MALT1: variants seen among roughly 807,000 people sequenced by gnomAD.
The protein encoded by MALT1 is mucosa-associated lymphoid tissue lymphoma translocation protein 1.
Under a neutral mutation model 85.5 loss-of-function variants are expected in MALT1, and 36 were observed. That is an observed-to-expected ratio of 0.42 (90% CI 0.32 to 0.56). The LOEUF is 0.56. Ranked by LOEUF, MALT1 falls within the 20% of genes least tolerant of loss-of-function variation. The pLI, the probability that MALT1 is intolerant of heterozygous loss-of-function variation, is 0.10. For synonymous variants in MALT1, 359 were observed against 361.3 expected (o/e 0.99, Z 0.07); for missense variants, 716 against 981.6 (o/e 0.73, Z 3.62).
chr18:58,747,914 C>T lies in MALT1; in HGVS notation c.*72C>T. The T allele has an allele frequency of 5.3e-6, 7 of 1,328,292 alleles. No individual in the cohort carries two copies. Among genetic ancestry groups the T allele is most frequent in the Non-Finnish European group, 7.3e-6 (7 of 956,080 alleles). 82.3% of individuals were successfully genotyped at this position (1,328,292 alleles called of 1,614,324 possible). ...AGTACTGCACTTACATAAAGTGAGA[C>T]ATTGTGAAAAGGCAAATTTGTATAT... On this transcript the variant is annotated 3_prime_UTR_variant, in exon 17 of 17. Transcript: ENST00000649217.
Position 58,671,589 on chromosome 18 carries a change from G to C in MALT1, c.-55G>C. On this transcript the variant is annotated 5_prime_UTR_variant, in exon 1 of 17. Transcript: ENST00000649217. ...CGAGCGGAAGGTGCCCCGGGGCCGAGGCCCGTGACGGGGCGGGCGGGAGCC... is the reference window on the plus strand; with the variant it reads ...CGAGCGGAAGGTGCCCCGGGGCCGACGCCCGTGACGGGGCGGGCGGGAGCC... 1 of 1,140,674 alleles carries C rather than the reference G, an allele frequency of 8.8e-7. No individual in the cohort carries two copies. Among genetic ancestry groups the C allele is most frequent in the African/African-American group, 1.6e-5 (1 of 62,124 alleles). 70.7% of individuals were successfully genotyped at this position (1,140,674 alleles called of 1,614,324 possible).
intron 2 of MALT1, among the ~76,000 whole-genome samples, chr18:58,687,198 T>A (rs577526576): frequency 6.6e-6 from 1 of 152,064 alleles, no homozygotes; most frequent in Non-Finnish European, 1.5e-5. Context: ...AAGAAAAATA[T>A]CAAGAAGTGA....
intron 2 of MALT1, chr18:58,691,447 G>A (rs1041322213): frequency 2.5e-5 from 8 of 315,550 alleles, no homozygotes; most frequent in South Asian, 6.3e-5. Flanking sequence ...ACAGACGGAC[G>A]TGCATTCCAT....
chr18:58,733,289 C>A, intron 10 of MALT1, 108 bp from the exon 11 acceptor site: 1 of 691,116 alleles, frequency 1.4e-6, no homozygotes, highest in Non-Finnish European at 2.5e-6. Flanking sequence ...TCACATCAAC[C>A]TGAAGAAAAT....
chr18:58,671,598 C>T lies in MALT1; in HGVS notation c.-46C>T. On this transcript the variant is annotated 5_prime_UTR_variant, in exon 1 of 17. In the 5' UTR this introduces an upstream ATG that the reference lacks. Transcript: ENST00000649217. ...GGTGCCCCGGGGCCGAGGCCCGTGA[C>T]GGGGCGGGCGGGAGCCCCGGCAGTC... The T allele has an allele frequency of 1.7e-6, 2 of 1,176,748 alleles. No individual in the cohort carries two copies. The highest frequency in any genetic ancestry group is 2.1e-6 in the Non-Finnish European group (2 of 943,986). 72.9% of individuals were successfully genotyped at this position (1,176,748 alleles called of 1,614,324 possible).
intron 4 of MALT1, among the ~76,000 whole-genome samples, chr18:58,708,783 G>A (rs1369286750): frequency 9.9e-5 from 15 of 152,210 alleles, no homozygotes; most frequent in Admixed American, 9.8e-4. Flanking sequence ...TAATGTGTTA[G>A]ACACTGAGTT....
At chr18:58,726,475 T>G (rs2055056211) in intron 10 of MALT1, among the ~76,000 whole-genome samples, 1 of 151,880 alleles carries the variant, frequency 6.6e-6, no homozygotes, top group African/African-American at 2.4e-5. Flanking sequence ...GAAGGCAGAG[T>G]CACAGGAATT....
intron 1 of MALT1, among the ~76,000 whole-genome samples, chr18:58,680,593 A>C (rs1211764906): frequency 6.6e-6 from 1 of 152,152 alleles, no homozygotes; most frequent in African/African-American, 2.4e-5. Flanking sequence ...TAAAGGCAAA[A>C]AAACCTTTGT....
intron 3 of MALT1, among the ~76,000 whole-genome samples, chr18:58,700,142 T>C (rs1003351028): frequency 2.0e-5 from 3 of 152,240 alleles, no homozygotes; most frequent in African/African-American, 7.2e-5. Flanking sequence ...ATTCTTTCAA[T>C]ACTCAGTGAT....
intron 3 of MALT1, 42 bp downstream of exon 3, chr18:58,696,529 G>A: frequency 7.1e-7 from 1 of 1,412,642 alleles, no homozygotes; most frequent in Non-Finnish European, 9.6e-7. Flanking sequence ...CAAGGAGAGA[G>A]AATGATAGAG....
chr18:58,675,755 T>C (rs1168927058), intron 1 of MALT1, among the ~76,000 whole-genome samples: 1 of 152,242 alleles, frequency 6.6e-6, no homozygotes, highest in Non-Finnish European at 1.5e-5. Flanking sequence ...CCCATGACTT[T>C]ACATTTATTT....
At chr18:58,701,137 GCA>G (rs2054666121) in intron 4 of MALT1, among the ~76,000 whole-genome samples, 1 of 123,528 alleles carries the variant, frequency 8.1e-6, no homozygotes, top group African/African-American at 2.5e-5. Context: ...GTTCACACAT[GCA>G]CACACACATA....
Position 58,747,670 on chromosome 18 carries a change from C to T in MALT1, c.2303C>T (p.Pro768Leu), listed in dbSNP as rs2055388645. The T allele has an allele frequency of 6.2e-7, 1 of 1,614,020 alleles. No individual in the cohort carries two copies. The highest frequency in any genetic ancestry group is 8.5e-7 in the Non-Finnish European group (1 of 1,180,034). ...GTTTACCATTCACATCCTGGTAATC[C>T]AAGTAATGTTACACCAGCAGATAGC... ...HGVYHSHPGN[P>L]SNVTPADSCH... The change falls in exon 17 of 17, where the codon CCA (proline) becomes CTA (leucine). Residue 768 changes from proline (P) to leucine (L), a missense_variant. Physicochemically the swap from Pro to Leu is moderately conservative, Grantham distance 98. Around this residue, in one of 4 missense-constraint regions of MALT1, gnomAD observed 260 missense variants for 323.7 expected, o/e 0.80. Coordinates refer to ENST00000649217, the MANE Select transcript of MALT1 (RefSeq NM_006785.4).
intron 2 of MALT1, among the ~76,000 whole-genome samples, chr18:58,682,136 T>C (rs2144313096): frequency 6.6e-6 from 1 of 152,338 alleles, no homozygotes; most frequent in East Asian, 1.9e-4. Flanking sequence ...CCTGATGCAC[T>C]CTATTTTACG....
chr18:58,737,179 T>TA (rs1241851908), intron 13 of MALT1, among the ~76,000 whole-genome samples: 11 of 150,430 alleles, frequency 7.3e-5, no homozygotes, highest in South Asian at 4.2e-4. Context: ...CATCTCAATT[T>TA]AAAAAAAAAA....
rs2055196816 is a variant in MALT1 at position 58,734,409 on chromosome 18, G to A, written c.1475+28G>A. On this transcript the variant is annotated intron_variant, in intron 12 of 16. Coordinates refer to ENST00000649217, the MANE Select transcript of MALT1 (RefSeq NM_006785.4). ...AAGAACATTTGATGTTTACGTTGAAGTTTCCTTTATTGTTTGATGTCTTTT... is the reference window on the plus strand; with the variant it reads ...AAGAACATTTGATGTTTACGTTGAAATTTCCTTTATTGTTTGATGTCTTTT... 4 of 1,572,740 alleles carry A rather than the reference G, an allele frequency of 2.5e-6. No homozygotes were observed. In the East Asian group the frequency reaches 6.7e-5, roughly 26 times the overall value.
intron 2 of MALT1, among the ~76,000 whole-genome samples, chr18:58,684,058 G>A (rs1264066322): frequency 6.6e-6 from 1 of 152,052 alleles, no homozygotes; most frequent in African/African-American, 2.4e-5. Context: ...TCAGCCTCCT[G>A]AGTAGCTGGG....
rs11152093 is a variant in MALT1, at chr18:58,751,021, G to A, written c.*3179G>A. ...CAGGTGCTCAGCTGTGGTTACCACC[G>A]AGCAGCACTGTCCAGTGAACTTGCT... On this transcript the variant is annotated 3_prime_UTR_variant, in exon 17 of 17. Coordinates refer to ENST00000649217, the MANE Select transcript of MALT1 (RefSeq NM_006785.4). 0.39 allele frequency: 59,670 copies of A among 152,138 alleles called. 14,321 individuals are homozygous for A. Among genetic ancestry groups the A allele is most frequent in the Non-Finnish European group, 0.52 (35,509 of 67,994 alleles). The allele number at this position is 152,138 out of a possible 1,614,324, so 9.4% of individuals were successfully genotyped here. A position where few individuals can be genotyped will look rare whatever the true frequency, so the allele number is the denominator to read the frequency against.
chr18:58,698,077 T>G lies in MALT1; in HGVS notation c.498+1590T>G, dbSNP rs1485059322. Among the ~76,000 whole-genome samples, 249 of 148,766 alleles carry G rather than the reference T, an allele frequency of 1.7e-3. 2 individuals are homozygous for G. Among genetic ancestry groups the G allele is most frequent in the African/African-American group, 5.4e-3 (218 of 40,656 alleles). On this transcript the variant is annotated intron_variant, in intron 3 of 16. Coordinates refer to ENST00000649217, the MANE Select transcript of MALT1 (RefSeq NM_006785.4). The stretch of plus-strand genomic sequence containing the variant: ...TTGTTGTTTTGTTTTGTTTTTTTGT[T>G]TTTTTTTTGAGATGGAGTCTCGCTC...
Sources: allele counts gnomAD v4.1 joint callset (sites outside exome capture counted in the v4.1 genomes callset), GRCh38; gene constraint gnomAD v4.1.1; regional missense constraint gnomAD v4.1.1; transcripts MANE v1.5; gene names NCBI Gene and HGNC (gene_info 2026-07-23, HGNC 2026-07-21).